RNF17: variants seen among roughly 807,000 people sequenced by gnomAD.
The protein encoded by RNF17 is ring finger protein 17.
Under a neutral mutation model 200.5 loss-of-function variants are expected in RNF17, and 31 were observed. The ratio of observed to expected loss-of-function variants is 0.15; its 90% CI spans 0.12 to 0.21. RNF17 has a LOEUF of 0.21. RNF17 is among the 10% of genes least tolerant of loss of function. The pLI is 1.00. For missense variants in RNF17, 1,628 were observed against 1,905.1 expected (o/e 0.85, Z 2.71); for synonymous variants, 606 against 637.8 (o/e 0.95, Z 0.75).
At chr13:24,882,331 GATTTC>G (rs774524270), downstream of RNF17, 69 of 151,504 alleles carry the variant, frequency 4.6e-4, no homozygotes, top group Admixed American at 1.4e-3. Context: ...GGAATTGATA[GATTTC>G]ATTAACAAAA....
At chr13:24,837,931 A>ATTAGCACGAT (rs1465157563) in intron 18 of RNF17, among the ~76,000 whole-genome samples, 1 of 152,144 alleles carries the variant, frequency 6.6e-6, no homozygotes, top group South Asian at 2.1e-4. Context: ...TTGATAGGCC[A>ATTAGCACGAT]TTAGCACGAT....
intron 15 of RNF17, among the ~76,000 whole-genome samples, chr13:24,806,918 G>A (rs1200672388): frequency 3.3e-5 from 5 of 150,984 alleles, no homozygotes; most frequent in Non-Finnish European, 7.4e-5. Flanking sequence ...TTGTTCTTGC[G>A]ATAGTTTACT....
At chr13:24,820,839 T>C (rs913701735) in intron 15 of RNF17, among the ~76,000 whole-genome samples, 2 of 152,202 alleles carry the variant, frequency 1.3e-5, no homozygotes, top group East Asian at 1.9e-4. Flanking sequence ...ATTTTCTCTT[T>C]GGCTTTGCCT....
At chr13:24,797,876 A>G (rs1468950089) in intron 11 of RNF17, among the ~76,000 whole-genome samples, 2 of 152,138 alleles carry the variant, frequency 1.3e-5, no homozygotes, top group African/African-American at 4.8e-5. Context: ...AATATATATT[A>G]TCATAAAATT....
the RNF17 span, among the ~76,000 whole-genome samples, chr13:24,754,090 G>A: frequency 8.6e-5 from 13 of 151,582 alleles, no homozygotes; most frequent in African/African-American, 2.7e-4. Flanking sequence ...CCCGGGAGGC[G>A]GAAGTTGCAG....
intron 31 of RNF17, among the ~76,000 whole-genome samples, chr13:24,870,257 G>T (rs1239121244): frequency 6.6e-6 from 1 of 151,498 alleles, no homozygotes; most frequent in Admixed American, 6.6e-5. Flanking sequence ...TAATTTTTTT[G>T]ATTTTTAGTA....
chr13:24,789,427 A>G lies in RNF17; in HGVS notation c.860+3A>G. 1 of 1,583,056 alleles carries G rather than the reference A, an allele frequency of 6.3e-7. No homozygotes were observed. On this transcript the variant is annotated splice_donor_region_variant and intron_variant, in intron 8 of 35. Transcript: ENST00000255324. ...CCACAACTAAGGAACCCTCCCAGGT[A>G]AGTAAGTCATAGTTCAGGAGACCAT...
chr13:24,789,863 C>G (rs988899990), intron 9 of RNF17, 91 bp downstream of exon 9: 1 of 783,500 alleles, frequency 1.3e-6, no homozygotes, highest in South Asian at 1.7e-5. Context: ...TAGTGTAATT[C>G]AAAAGCTGAA....
At chr13:24,886,180 G>A in the RNF17 span, 1 of 565,824 alleles carries the variant, frequency 1.8e-6, no homozygotes, top group Non-Finnish European at 3.0e-6. Context: ...AAAATACACT[G>A]AAGTGCCAGT....
At chr13:24,884,746 CTGT>C (rs1953962686), downstream of RNF17, among the ~76,000 whole-genome samples, 1 of 152,178 alleles carries the variant, frequency 6.6e-6, no homozygotes, top group Non-Finnish European at 1.5e-5. Context: ...ACTGCTTTGC[CTGT>C]TGTTCTTTGT....
chr13:24,883,387 A>T (rs546295011), downstream of RNF17: 62 of 1,558,974 alleles, frequency 4.0e-5, no homozygotes, highest in South Asian at 1.6e-4. Flanking sequence ...ATTTAAAAAA[A>T]ATATGATTTC....
At chr13:24,882,889 C>T (rs1953902215), downstream of RNF17, 2 of 385,500 alleles carry the variant, frequency 5.2e-6, no homozygotes, top group Non-Finnish European at 4.8e-6. Flanking sequence ...TTTTTATAGC[C>T]ATTTCTAACC....
At chr13:24,810,652 A>G (rs1886478339) in intron 15 of RNF17, among the ~76,000 whole-genome samples, 1 of 145,116 alleles carries the variant, frequency 6.9e-6, no homozygotes, top group Non-Finnish European at 1.5e-5. Context: ...TTTAAAGTTA[A>G]TATTGTTATG....
At chr13:24,763,369 A>ATTT (rs34750040), upstream of RNF17, among the ~76,000 whole-genome samples, 2,800 of 114,612 alleles carry the variant, frequency 0.024, 58 homozygotes, top group South Asian at 0.038. Flanking sequence ...CGTCCGGCTA[A>ATTT]TTTTTTTTTT....
chr13:24,796,383 T>C (rs1174892673), intron 11 of RNF17, 88 bp downstream of exon 11: 3 of 852,424 alleles, frequency 3.5e-6, no homozygotes, highest in East Asian at 2.9e-5. Flanking sequence ...TGTTATAATA[T>C]AGATTTTTGC....
intron 15 of RNF17, among the ~76,000 whole-genome samples, chr13:24,810,505 T>C (rs1479956037): frequency 1.4e-5 from 2 of 142,244 alleles, no homozygotes; most frequent in East Asian, 4.0e-4. Context: ...TAGATCTTCC[T>C]CCATCCTTTT....
chr13:24,831,250 C>A (rs531738818), intron 17 of RNF17, among the ~76,000 whole-genome samples: 2 of 152,026 alleles, frequency 1.3e-5, no homozygotes, highest in Non-Finnish European at 2.9e-5. Flanking sequence ...ACCAGCCTGG[C>A]TAACATGATG....
At chr13:24,814,485 A>T (rs1418749982) in intron 15 of RNF17, among the ~76,000 whole-genome samples, 1 of 152,128 alleles carries the variant, frequency 6.6e-6, no homozygotes, top group East Asian at 1.9e-4. Flanking sequence ...CTTCTTCCCT[A>T]TGCTTTCTTC....
At chr13:24,876,927 T>C in intron 33 of RNF17, 70 bp from the exon 34 acceptor site, 1 of 1,274,764 alleles carries the variant, frequency 7.8e-7, no homozygotes. Context: ...GTTTCCCCTA[T>C]GTTTTCTTCT....
Sources: allele counts gnomAD v4.1 joint callset (sites outside exome capture counted in the v4.1 genomes callset), GRCh38; gene constraint gnomAD v4.1.1; transcripts MANE v1.5; gene names NCBI Gene and HGNC (gene_info 2026-07-23, HGNC 2026-07-21).